Variants in ACVR1 observed in about 807,000 individuals in gnomAD.
The protein encoded by ACVR1 is activin receptor type-1.
Under a neutral mutation model 57.1 loss-of-function variants are expected in ACVR1, and 38 were observed. That is an observed-to-expected ratio of 0.67 (90% CI 0.51 to 0.87). The LOEUF is 0.87. ACVR1 is among the 40% of genes least tolerant of loss of function. The pLI, the probability that ACVR1 is intolerant of heterozygous loss-of-function variation, is 0.00. For synonymous variants in ACVR1, 212 were observed against 228.1 expected (o/e 0.93, Z 0.63); for missense variants, 463 against 638.2 (o/e 0.73, Z 2.96).
rs1248828454 is a variant in ACVR1 at position 157,808,747 on chromosome 2, G to A, written c.-7-9247C>T. ...CTGAAGGCTTCTAACATTTATTGAC[G>A]CTATTTGGAAAGCCATGCTTCCATG... On this transcript the variant is annotated intron_variant, in intron 2 of 10. Coordinates refer to ENST00000434821, the MANE Select transcript of ACVR1 (RefSeq NM_001111067.4). Among the ~76,000 whole-genome samples, 7 of 152,008 alleles carry A rather than the reference G, an allele frequency of 4.6e-5. No individual in the cohort carries two copies. In the South Asian group the frequency reaches 6.2e-4, roughly 14 times the overall value.
chr2:157,803,482 G>A (rs1687400710), intron 2 of ACVR1, among the ~76,000 whole-genome samples: 1 of 152,154 alleles, frequency 6.6e-6, no homozygotes, highest in Non-Finnish European at 1.5e-5. Context: ...GTGGAAAGGG[G>A]AATGTTCTGG....
At chr2:157,748,891 A>G (rs1297227578) in intron 9 of ACVR1, among the ~76,000 whole-genome samples, 4 of 152,318 alleles carry the variant, frequency 2.6e-5, no homozygotes, top group African/African-American at 7.2e-5. Flanking sequence ...ACAAACCTCA[A>G]TCCTTAGGAG....
intron 5 of ACVR1, among the ~76,000 whole-genome samples, chr2:157,777,295 G>A (rs533814868): frequency 3.1e-4 from 47 of 152,186 alleles, no homozygotes; most frequent in African/African-American, 1.1e-3. Flanking sequence ...GCAGTCCAGC[G>A]GGTTAATCAC....
chr2:157,809,762 T>C (rs1687685991), intron 2 of ACVR1, among the ~76,000 whole-genome samples: 1 of 152,160 alleles, frequency 6.6e-6, no homozygotes, highest in Admixed American at 6.6e-5. Context: ...TAGAAAATTA[T>C]GAATTTGATC....
At chr2:157,846,121 C>T (rs1351024884) in intron 1 of ACVR1, among the ~76,000 whole-genome samples, 1 of 152,096 alleles carries the variant, frequency 6.6e-6, no homozygotes, top group Non-Finnish European at 1.5e-5. Flanking sequence ...CGGGTAGGCC[C>T]TAAATATAAT....
At chr2:157,773,908 T>C (rs140634394) in intron 6 of ACVR1, among the ~76,000 whole-genome samples, 180 bp downstream of exon 6, 1 of 152,218 alleles carries the variant, frequency 6.6e-6, no homozygotes, top group South Asian at 2.1e-4. Flanking sequence ...ACTCCTTTGA[T>C]AAGAGCTTAA....
intron 5 of ACVR1, 131 bp from the exon 6 acceptor site, chr2:157,774,318 G>A (rs1173523427): frequency 2.7e-6 from 2 of 734,554 alleles, no homozygotes; most frequent in African/African-American, 3.5e-5. Flanking sequence ...TAGTGTACAT[G>A]TAAAGCTCCT....
chr2:157,778,885 G>A (rs1323223136), intron 4 of ACVR1, among the ~76,000 whole-genome samples: 2 of 151,980 alleles, frequency 1.3e-5, no homozygotes, highest in East Asian at 1.9e-4. Context: ...CACTCCCTGG[G>A]TTCAGACCTC....
intron 2 of ACVR1, among the ~76,000 whole-genome samples, chr2:157,815,409 T>C (rs1687897407): frequency 6.6e-6 from 1 of 152,100 alleles, no homozygotes; most frequent in Admixed American, 6.6e-5. Flanking sequence ...ACATTACCTT[T>C]CTAAAAATAA....
intron 1 of ACVR1, among the ~76,000 whole-genome samples, chr2:157,846,501 T>C (rs1353659826): frequency 2.0e-5 from 3 of 152,176 alleles, no homozygotes; most frequent in South Asian, 2.1e-4. Flanking sequence ...CAACATCCCA[T>C]CTCCCTGTTT....
intron 1 of ACVR1, among the ~76,000 whole-genome samples, chr2:157,833,953 A>G (rs2105347366): frequency 6.6e-6 from 1 of 152,352 alleles, no homozygotes; most frequent in Non-Finnish European, 1.5e-5. Context: ...ACATACTAGC[A>G]TGAATTCAAC....
At chr2:157,757,156 T>C (rs941125285) in intron 9 of ACVR1, among the ~76,000 whole-genome samples, 3 of 150,934 alleles carry the variant, frequency 2.0e-5, no homozygotes, top group Admixed American at 1.3e-4. Context: ...GAAAGACTTC[T>C]GAACTTGAAA....
Position 157,875,846 on chromosome 2 carries a change from G to T in ACVR1, c.-233C>A. On this transcript the variant is annotated 5_prime_UTR_variant, in exon 1 of 11. Transcript: ENST00000434821. ...TGAGCCGGGGGAGGCGGAGTGCGAG[G>T]CAGCCGGGCGCTGCAGGTCGGCGCG... is the stretch of plus-strand genomic sequence containing the variant. The T allele has an allele frequency of 6.7e-6, 1 of 150,014 alleles. No individual in the cohort carries two copies. The highest frequency in any genetic ancestry group is 1.8e-4 in the South Asian group (1 of 5,664). The allele number at this position is 150,014 out of a possible 1,614,324, so 9.3% of individuals were successfully genotyped here. A position where few individuals can be genotyped will look rare whatever the true frequency, so the allele number is the denominator to read the frequency against.
intron 8 of ACVR1, among the ~76,000 whole-genome samples, chr2:157,764,543 G>A (rs1678588906): frequency 6.6e-6 from 1 of 151,908 alleles, no homozygotes; most frequent in South Asian, 2.1e-4. Context: ...TAACAACGCA[G>A]AAGTACAGGG....
At position 157,738,427 on chromosome 2, in the gene ACVR1, C is replaced by A; in HGVS notation, c.1395+13G>T. On this transcript the variant is annotated intron_variant, in intron 10 of 10. Coordinates refer to ENST00000434821, the MANE Select transcript of ACVR1 (RefSeq NM_001111067.4). Reference sequence around the variant, plus strand: ...GGAAAAGAGCTCTAAAACTGAGAAACTGGCATTCTTACCGGGTCTGAGAAC... The same window carrying A: ...GGAAAAGAGCTCTAAAACTGAGAAAATGGCATTCTTACCGGGTCTGAGAAC... The A allele has an allele frequency of 1.9e-6, 3 of 1,614,060 alleles. No homozygotes were observed. The highest frequency in any genetic ancestry group is 2.2e-5 in the South Asian group (2 of 91,084).
chr2:157,825,753 G>C (rs183889468), intron 1 of ACVR1, among the ~76,000 whole-genome samples: 1 of 152,298 alleles, frequency 6.6e-6, no homozygotes, highest in East Asian at 1.9e-4. Context: ...ACCCCAAGTA[G>C]CTTTAATCCA....
intron 2 of ACVR1, chr2:157,806,929 AG>A (rs1199634101): frequency 6.6e-6 from 1 of 152,236 alleles, no homozygotes; most frequent in Non-Finnish European, 1.5e-5. Context: ...CTTTCATGAT[AG>A]ATGAATACAA....
rs186697684 is a variant in ACVR1 at position 157,810,162 on chromosome 2, T to C, written c.-8+8223A>G. On this transcript the variant is annotated intron_variant, in intron 2 of 10. Coordinates refer to ENST00000434821, the MANE Select transcript of ACVR1 (RefSeq NM_001111067.4). ...GAGAATAGTATTCTCACCTCAGTCC[T>C]TGTCCACAACCTTCAAACACTGTGA... Among the ~76,000 whole-genome samples, 82 of 152,342 alleles carry C rather than the reference T, an allele frequency of 5.4e-4. 1 individual carries two copies. The highest frequency in any genetic ancestry group is 1.9e-3 in the African/African-American group (81 of 41,576).
intron 9 of ACVR1, among the ~76,000 whole-genome samples, chr2:157,741,698 A>T (rs1326895390): frequency 6.6e-6 from 1 of 152,050 alleles, no homozygotes; most frequent in Non-Finnish European, 1.5e-5. Context: ...ATAATGAGAA[A>T]GGTGAAAGAA....
Sources: gnomAD v4.1 joint callset for allele counts (sites outside exome capture counted in the v4.1 genomes callset) on GRCh38, gnomAD v4.1.1 for gene constraint, MANE v1.5 for transcripts, NCBI Gene and HGNC (gene_info 2026-07-23, HGNC 2026-07-21) for gene names.